The following FSTL5 variants were observed in gnomAD, a reference collection of about 807,000 sequenced individuals.
FSTL5 encodes follistatin-related protein 5.
FSTL5 carries 62 observed loss-of-function variants against 89.1 expected under a neutral mutation model. That is an observed-to-expected ratio of 0.70 (90% CI 0.57 to 0.86). The LOEUF (loss-of-function observed/expected upper bound fraction) is 0.86. Ranked by LOEUF, FSTL5 falls within the 40% of genes least tolerant of loss-of-function variation. The probability of loss-of-function intolerance (pLI) is 0.00; values close to 1 mark genes in which losing one functional copy is unlikely to be tolerated. For missense variants in FSTL5, 1,057 were observed against 1,001.6 expected, an observed-to-expected ratio of 1.06 and a Z score of -0.75; for synonymous variants, 383 against 346.2, an observed-to-expected ratio of 1.11 and a Z score of -1.18.
In FSTL5 at chr4:162,103,104, C is replaced by T. The variant is rs569419009; in HGVS notation, c.126+8167G>A. Among the ~76,000 whole-genome samples, 7 of 152,092 alleles carry T rather than the reference C, an allele frequency of 4.6e-5. No individual in the cohort carries two copies. In the South Asian group the frequency reaches 6.2e-4, roughly 14 times the overall value. On this transcript the variant is annotated intron_variant, in intron 2 of 15. Transcript: ENST00000306100. Reference sequence around the variant, plus strand: ...GGACTCATTGTCAAAGATCAAAAGACGATTTTCTGTAGTAGGTCTTTATCT... The same window carrying T: ...GGACTCATTGTCAAAGATCAAAAGATGATTTTCTGTAGTAGGTCTTTATCT...
intron 2 of FSTL5, among the ~76,000 whole-genome samples, chr4:162,055,056 T>C (rs1473918984): frequency 2.0e-5 from 3 of 151,910 alleles, no homozygotes; most frequent in African/African-American, 7.3e-5. Flanking sequence ...GGATAGCATG[T>C]ATGAGATGGG....
intron 6 of FSTL5, among the ~76,000 whole-genome samples, chr4:161,740,321 G>A (rs773055369): frequency 1.3e-5 from 2 of 152,036 alleles, no homozygotes; most frequent in Non-Finnish European, 2.9e-5. Context: ...GGCCCGGCCT[G>A]AAATAGTATA....
chr4:161,950,350 A>G (rs939733225), intron 3 of FSTL5, among the ~76,000 whole-genome samples: 14 of 152,156 alleles, frequency 9.2e-5, no homozygotes, highest in African/African-American at 3.4e-4. Context: ...GATGGCATTT[A>G]GGTGCTTTCT....
intron 4 of FSTL5, among the ~76,000 whole-genome samples, chr4:161,868,877 C>T (rs1277163901): frequency 6.6e-6 from 1 of 152,142 alleles, no homozygotes; most frequent in Non-Finnish European, 1.5e-5. Context: ...ATTTAGAAAG[C>T]CGTATCCTTA....
At chr4:161,765,538 A>C (rs1740963186) in intron 5 of FSTL5, among the ~76,000 whole-genome samples, 1 of 152,174 alleles carries the variant, frequency 6.6e-6, no homozygotes, top group Non-Finnish European at 1.5e-5. Context: ...TTTTAAAGAA[A>C]AATACTTCAT....
chr4:162,146,359 T>C (rs1299237870), intron 1 of FSTL5, among the ~76,000 whole-genome samples: 2 of 152,208 alleles, frequency 1.3e-5, no homozygotes, highest in Non-Finnish European at 2.9e-5. Context: ...ATTTCCTTTC[T>C]AGAGTAAATT....
At chr4:162,038,001 T>C (rs1022911952) in intron 2 of FSTL5, among the ~76,000 whole-genome samples, 6 of 151,950 alleles carry the variant, frequency 3.9e-5, no homozygotes, top group African/African-American at 9.6e-5. Flanking sequence ...TATTTAACTA[T>C]GTGAGAACTC....
chr4:162,120,808 T>C (rs914836524), intron 1 of FSTL5, among the ~76,000 whole-genome samples: 7 of 152,038 alleles, frequency 4.6e-5, no homozygotes, highest in African/African-American at 1.7e-4. Context: ...AACACACATG[T>C]ACAAGTGCTT....
chr4:161,444,261 A>C (rs2872527), intron 15 of FSTL5, among the ~76,000 whole-genome samples: 1 of 151,560 alleles, frequency 6.6e-6, no homozygotes, highest in Non-Finnish European at 1.5e-5. Flanking sequence ...TAATGAACAG[A>C]CTTTATGAAG....
At chr4:162,083,719 T>C (rs1446985681) in intron 2 of FSTL5, among the ~76,000 whole-genome samples, 2 of 151,814 alleles carry the variant, frequency 1.3e-5, no homozygotes, top group African/African-American at 4.8e-5. Context: ...CAATTTATAA[T>C]AGCAGAACAT....
chr4:161,432,787 G>A (rs1732425226), intron 15 of FSTL5, among the ~76,000 whole-genome samples: 2 of 151,684 alleles, frequency 1.3e-5, no homozygotes, highest in African/African-American at 4.8e-5. Flanking sequence ...GGATCATTGG[G>A]GGTTACTGTG....
At chr4:161,638,054 C>T (rs1345661797) in intron 7 of FSTL5, among the ~76,000 whole-genome samples, 1 of 151,674 alleles carries the variant, frequency 6.6e-6, no homozygotes, top group East Asian at 1.9e-4. Flanking sequence ...TTACCTTGGG[C>T]AGTATGGCCA....
At chr4:161,649,733 T>A (rs541797879) in intron 7 of FSTL5, among the ~76,000 whole-genome samples, 65 of 152,344 alleles carry the variant, frequency 4.3e-4, no homozygotes, top group Admixed American at 7.2e-4. Flanking sequence ...ATGATTCTAT[T>A]TACTAGCCTC....
At chr4:161,575,057 G>T (rs957321564) in intron 8 of FSTL5, among the ~76,000 whole-genome samples, 3 of 152,142 alleles carry the variant, frequency 2.0e-5, no homozygotes, top group African/African-American at 7.2e-5. Flanking sequence ...GCATGAGATG[G>T]TGTCTTGTTG....
chr4:161,483,845 C>A (rs140638212), intron 12 of FSTL5, among the ~76,000 whole-genome samples: 1 of 151,918 alleles, frequency 6.6e-6, no homozygotes, highest in African/African-American at 2.4e-5. Flanking sequence ...ATTATTAAAT[C>A]GCTTTTACAG....
intron 6 of FSTL5, among the ~76,000 whole-genome samples, chr4:161,658,360 G>A (rs1736592622): frequency 6.6e-6 from 1 of 152,038 alleles, no homozygotes; most frequent in Non-Finnish European, 1.5e-5. Context: ...TCAGGAGGCT[G>A]AGGCAGGAGA....
intron 6 of FSTL5, among the ~76,000 whole-genome samples, chr4:161,726,480 G>T (rs1739421280): frequency 6.6e-6 from 1 of 151,716 alleles, no homozygotes; most frequent in South Asian, 2.1e-4. Flanking sequence ...CGCCCACCTC[G>T]GCCTCCCAAA....
chr4:161,459,441 A>G, intron 13 of FSTL5, 122 bp from the exon 14 acceptor site: 1 of 579,724 alleles, frequency 1.7e-6, no homozygotes, highest in Non-Finnish European at 3.0e-6. Flanking sequence ...CAAATATATA[A>G]TTTCCTTAGC....
In FSTL5 at chr4:161,929,683, G is replaced by A. The variant is rs139990866; in HGVS notation, c.161-9031C>T. ...CACGTGTGTGTGTGTGTGTGTGTGT[G>A]TGTGTGTGTGTGTGTGTGTACATAG... On this transcript the variant is annotated intron_variant, in intron 3 of 15. Transcript: ENST00000306100. Among the ~76,000 whole-genome samples the A allele has an allele frequency of 1.8e-3, 175 of 98,240 alleles. 1 individual carries two copies. Among genetic ancestry groups the A allele is most frequent in the African/African-American group, 5.6e-3 (166 of 29,866 alleles). The allele number at this position is 98,240 out of a possible 152,430, so 64.4% of individuals were successfully genotyped here. A position where few individuals can be genotyped will look rare whatever the true frequency, so the allele number is the denominator to read the frequency against.
Sources: gnomAD v4.1 joint callset for allele counts (sites outside exome capture counted in the v4.1 genomes callset) on GRCh38, gnomAD v4.1.1 for gene constraint, MANE v1.5 for transcripts, NCBI Gene and HGNC (gene_info 2026-07-23, HGNC 2026-07-21) for gene names.